The following PTK2 variants were observed in gnomAD, a reference collection of about 807,000 sequenced individuals.
PTK2 encodes the protein protein tyrosine kinase 2.
In PTK2, 45 loss-of-function variants were observed where a neutral mutation model predicts 150.1. The ratio of observed to expected loss-of-function variants is 0.30; its 90% CI spans 0.24 to 0.38. The LOEUF is 0.38. Ranked by LOEUF, PTK2 falls within the 10% of genes least tolerant of loss-of-function variation. The probability of loss-of-function intolerance (pLI) is 1.00; values close to 1 mark genes in which losing one functional copy is unlikely to be tolerated. For synonymous variants in PTK2, 432 were observed against 449.2 expected (o/e 0.96, Z 0.48); for missense variants, 919 against 1,307.3 (o/e 0.70, Z 4.58).
At position 140,781,665 on chromosome 8, in the gene PTK2, C is replaced by A. The variant is rs922224267; in HGVS notation, c.1177+7809G>T. 5.3e-5 allele frequency among the ~76,000 whole-genome samples: 8 copies of A among 152,224 alleles called. No homozygotes were observed. In the South Asian group the frequency reaches 8.3e-4, roughly 16 times the overall value. The stretch of plus-strand genomic sequence containing the variant: ...TGAAAGTGCCTCAGGCTACCCCTTG[C>A]CAGGGAGGTCTGTGAGTTTCTGTCT... On this transcript the variant is annotated intron_variant, in intron 14 of 31. Coordinates refer to ENST00000522684, the Ensembl canonical transcript of PTK2.
rs149126487 is a variant in PTK2, at chr8:140,738,878, G to A, written c.1825+140C>T. On this transcript the variant is annotated intron_variant, in intron 21 of 31. Coordinates refer to ENST00000522684, the Ensembl canonical transcript of PTK2. ...GATGTCAGGCTATTTACTGTCAAAT[G>A]AATCAAAAGAAGTCTGATGAGGAGA... 1,031 of 463,526 alleles carry A rather than the reference G, an allele frequency of 2.2e-3. 10 individuals carry two copies. The highest frequency in any genetic ancestry group is 0.019 in the African/African-American group (922 of 49,806). 28.7% of individuals were successfully genotyped at this position (463,526 alleles called of 1,614,324 possible).
chr8:140,884,337 T>C (rs2100151147), intron 3 of PTK2, among the ~76,000 whole-genome samples: 1 of 152,172 alleles, frequency 6.6e-6, no homozygotes, highest in South Asian at 2.1e-4. Context: ...CTTAAAGCTT[T>C]CCTTTCTAGC....
chr8:140,869,746 C>A (rs1201049402), intron 4 of PTK2, among the ~76,000 whole-genome samples: 4 of 151,414 alleles, frequency 2.6e-5, no homozygotes, highest in Admixed American at 1.3e-4. Flanking sequence ...ATAGGAAACA[C>A]ATAAACAAAG....
chr8:140,934,977 G>C (rs898196015), intron 1 of PTK2, among the ~76,000 whole-genome samples: 2 of 152,172 alleles, frequency 1.3e-5, no homozygotes, highest in African/African-American at 4.8e-5. Flanking sequence ...CCATTTTGAA[G>C]TTTGAATCAG....
At chr8:140,822,776 C>T (rs567543875) in intron 8 of PTK2, among the ~76,000 whole-genome samples, 26 of 152,172 alleles carry the variant, frequency 1.7e-4, no homozygotes, top group African/African-American at 5.8e-4. Context: ...GAGTATAGCC[C>T]GCAGCTGAAA....
intron 24 of PTK2, among the ~76,000 whole-genome samples, chr8:140,705,807 A>G (rs2100033393): frequency 6.6e-6 from 1 of 152,222 alleles, no homozygotes; most frequent in African/African-American, 2.4e-5. Flanking sequence ...TGTCCAGTTC[A>G]GTACTCCCTC....
chr8:140,747,444 G>C (rs1339101721), intron 17 of PTK2, among the ~76,000 whole-genome samples: 2 of 56,692 alleles, frequency 3.5e-5, no homozygotes, highest in South Asian at 1.5e-3. Flanking sequence ...GAGAAGAAAG[G>C]GGGGGGGAAG....
chr8:140,940,313 A>G (rs1264001948), intron 1 of PTK2, among the ~76,000 whole-genome samples: 1 of 152,132 alleles, frequency 6.6e-6, no homozygotes, highest in Non-Finnish European at 1.5e-5. Context: ...AAAATAGTGA[A>G]ACAAAAAAAT....
At chr8:140,839,928 A>G (rs868193256) in intron 7 of PTK2, among the ~76,000 whole-genome samples, 3 of 152,232 alleles carry the variant, frequency 2.0e-5, no homozygotes, top group Non-Finnish European at 4.4e-5. Flanking sequence ...TAAAAGAAAG[A>G]GCAACCATAA....
intron 27 of PTK2, among the ~76,000 whole-genome samples, chr8:140,676,413 A>AATTAATTAATTAATTAATTAAT (rs1554666251): frequency 1.0e-5 from 1 of 99,414 alleles, no homozygotes; most frequent in African/African-American, 5.3e-5. Flanking sequence ...TTAATTAATT[A>AATTAATTAATTAATTAATTAAT]ATATATATAT....
intron 2 of PTK2, among the ~76,000 whole-genome samples, chr8:140,900,148 G>C (rs1370157650): frequency 6.6e-6 from 1 of 152,162 alleles, no homozygotes; most frequent in Non-Finnish European, 1.5e-5. Context: ...CGACAAGGAA[G>C]ATGTCAAATT....
At chr8:140,927,973 A>ATATATATAT (rs1257108435) in intron 1 of PTK2, among the ~76,000 whole-genome samples, 851 of 72,504 alleles carry the variant, frequency 0.012, no homozygotes, top group Admixed American at 0.017. Flanking sequence ...AAAAAAAAAA[A>ATATATATAT]AAATATATAT....
chr8:140,938,508 T>A (rs914963232), intron 1 of PTK2, among the ~76,000 whole-genome samples: 1 of 152,174 alleles, frequency 6.6e-6, no homozygotes, highest in Non-Finnish European at 1.5e-5. Context: ...GTTTCCCCAA[T>A]AAATGCTCTA....
chr8:140,960,424 GGT>G (rs554540688), intron 1 of PTK2, among the ~76,000 whole-genome samples: 16 of 151,834 alleles, frequency 1.1e-4, no homozygotes, highest in Non-Finnish European at 2.1e-4. Context: ...TGGCCAGGCT[GGT>G]CTCAAATTCC....
chr8:140,738,877 T>C (rs997431217), intron 21 of PTK2, 141 bp downstream of exon 24: 2 of 463,226 alleles, frequency 4.3e-6, no homozygotes, highest in Non-Finnish European at 7.3e-6. Context: ...TACTGTCAAA[T>C]GAATCAAAAG....
chr8:140,837,248 T>C (rs556223844), intron 7 of PTK2, among the ~76,000 whole-genome samples: 157 of 152,320 alleles, frequency 1.0e-3, no homozygotes, highest in Non-Finnish European at 1.4e-3. Flanking sequence ...GGGACTTCAG[T>C]GTCTTATACT....
chr8:140,896,007 T>C (rs1273600069), intron 2 of PTK2, among the ~76,000 whole-genome samples: 1 of 151,874 alleles, frequency 6.6e-6, no homozygotes, highest in Non-Finnish European at 1.5e-5. Flanking sequence ...ACTAGCAACA[T>C]CAAAAATGAA....
intron 1 of PTK2, among the ~76,000 whole-genome samples, chr8:140,984,824 T>C (rs76225206): frequency 0.023 from 3,472 of 152,092 alleles, 134 homozygotes; most frequent in African/African-American, 0.078. Context: ...TTCCTCCTCC[T>C]AGAGTAATAG....
intron 1 of PTK2, among the ~76,000 whole-genome samples, chr8:140,945,297 C>T (rs1380192932): frequency 6.6e-6 from 1 of 152,160 alleles, no homozygotes; most frequent in East Asian, 1.9e-4. Context: ...AATAATTTAC[C>T]ATCAAGGCTG....
Sources: gnomAD v4.1 joint callset for allele counts (sites outside exome capture counted in the v4.1 genomes callset) on GRCh38, gnomAD v4.1.1 for gene constraint, MANE v1.5 for transcripts, NCBI Gene and HGNC (gene_info 2026-07-23, HGNC 2026-07-21) for gene names.